The following CNTNAP2 variants were observed in gnomAD, a reference collection of about 807,000 sequenced individuals.
CNTNAP2 encodes contactin-associated protein-like 2.
CNTNAP2 carries 98 observed loss-of-function variants against 155.2 expected under a neutral mutation model. The ratio of observed to expected loss-of-function variants is 0.63; its 90% CI spans 0.54 to 0.75. The LOEUF (loss-of-function observed/expected upper bound fraction) is 0.75. CNTNAP2 is among the 30% of genes least tolerant of loss of function. The pLI is 0.00. For missense variants in CNTNAP2, 1,727 were observed against 1,688.1 expected, an observed-to-expected ratio of 1.02 and a Z score of -0.40; for synonymous variants, 651 against 631.2, an observed-to-expected ratio of 1.03 and a Z score of -0.47.
intron 11 of CNTNAP2, among the ~76,000 whole-genome samples, chr7:147,533,619 C>A (rs1294099516): frequency 6.6e-6 from 1 of 151,174 alleles, no homozygotes; most frequent in Admixed American, 6.6e-5. Context: ...AAAATACTTA[C>A]TTGGAGCCAG....
chr7:147,017,681 C>T (rs1798748436), intron 3 of CNTNAP2, among the ~76,000 whole-genome samples: 2 of 151,798 alleles, frequency 1.3e-5, no homozygotes, highest in Admixed American at 6.6e-5. Flanking sequence ...CTAAACAACT[C>T]TTTTTACAAT....
chr7:147,698,450 T>C (rs946306193), intron 13 of CNTNAP2, among the ~76,000 whole-genome samples: 48 of 152,264 alleles, frequency 3.2e-4, no homozygotes, highest in African/African-American at 8.7e-4. Context: ...TTTAAAATAA[T>C]GTCAGTTACC....
At chr7:147,492,977 TG>T (rs1328379220) in intron 11 of CNTNAP2, among the ~76,000 whole-genome samples, 1 of 147,530 alleles carries the variant, frequency 6.8e-6, no homozygotes, top group East Asian at 2.1e-4. Context: ...TACTTTTTAA[TG>T]TACCCCAGAA....
intron 1 of CNTNAP2, among the ~76,000 whole-genome samples, chr7:146,759,101 A>T (rs1224016139): frequency 6.8e-6 from 1 of 146,298 alleles, no homozygotes; most frequent in East Asian, 2.1e-4. Flanking sequence ...TATTTTTCAT[A>T]AAATCTGTCT....
At chr7:146,730,994 A>T (rs942121121) in intron 1 of CNTNAP2, among the ~76,000 whole-genome samples, 1 of 152,192 alleles carries the variant, frequency 6.6e-6, no homozygotes, top group African/African-American at 2.4e-5. Flanking sequence ...CCTAGTGTTT[A>T]TTGTGTTCAT....
rs1198304892 is a variant in CNTNAP2, at chr7:148,417,274, T to A, written c.*1658T>A. The A allele has an allele frequency of 6.6e-6, 1 of 152,582 alleles. No homozygotes were observed. Among genetic ancestry groups the A allele is most frequent in the African/African-American group, 2.4e-5 (1 of 41,438 alleles). The allele number at this position is 152,582 out of a possible 1,614,324, so 9.5% of individuals were successfully genotyped here. On this transcript the variant is annotated 3_prime_UTR_variant, in exon 24 of 24. Coordinates refer to ENST00000361727, the MANE Select transcript of CNTNAP2 (RefSeq NM_014141.6). ...GCATTCTTTTTCAAGATTCTCAGTG[T>A]GCCTAACTTATTGGAGCACATCAGT...
intron 21 of CNTNAP2, among the ~76,000 whole-genome samples, chr7:148,360,897 C>T (rs1798607910): frequency 6.6e-6 from 1 of 151,294 alleles, no homozygotes; most frequent in Non-Finnish European, 1.5e-5. Flanking sequence ...GCAACCTCTG[C>T]CCCCCAGATT....
chr7:147,779,304 A>T lies in CNTNAP2; in HGVS notation c.2099-124261A>T, dbSNP rs368972599. The stretch of plus-strand genomic sequence containing the variant: ...TAAGGATTGAAGACGGGAGATTAGA[A>T]TAAATGTAAATCTTAGTGGATATAA... On this transcript the variant is annotated intron_variant, in intron 13 of 23. Coordinates refer to ENST00000361727, the MANE Select transcript of CNTNAP2 (RefSeq NM_014141.6). Among the ~76,000 whole-genome samples, 33 of 152,352 alleles carry T rather than the reference A, an allele frequency of 2.2e-4. 1 individual carries two copies. The East Asian group carries it at 4.3e-3, about 20-fold the overall frequency.
intron 13 of CNTNAP2, among the ~76,000 whole-genome samples, chr7:147,741,245 T>C (rs1354760397): frequency 6.6e-6 from 1 of 152,178 alleles, no homozygotes; most frequent in African/African-American, 2.4e-5. Flanking sequence ...ATTCTTCAGG[T>C]CCAGATAAGG....
At chr7:146,556,824 T>A (rs1457814620) in intron 1 of CNTNAP2, among the ~76,000 whole-genome samples, 1 of 151,232 alleles carries the variant, frequency 6.6e-6, no homozygotes, top group Admixed American at 6.6e-5. Flanking sequence ...CTGGCACTAT[T>A]TAGTAAATCT....
At chr7:146,698,966 T>G (rs1800830413) in intron 1 of CNTNAP2, among the ~76,000 whole-genome samples, 1 of 152,196 alleles carries the variant, frequency 6.6e-6, no homozygotes, top group Non-Finnish European at 1.5e-5. Flanking sequence ...TAGCACTTCC[T>G]TTCAATTCTT....
chr7:147,893,221 G>T (rs1253902380), intron 13 of CNTNAP2, among the ~76,000 whole-genome samples: 2 of 152,064 alleles, frequency 1.3e-5, no homozygotes, highest in East Asian at 3.9e-4. Context: ...GCCAATACAT[G>T]ATTTTTTATT....
At chr7:147,266,295 C>A (rs941015422) in intron 8 of CNTNAP2, among the ~76,000 whole-genome samples, 1 of 152,158 alleles carries the variant, frequency 6.6e-6, no homozygotes, top group Non-Finnish European at 1.5e-5. Context: ...CATAAAAGAC[C>A]GGATGGAGCT....
intron 3 of CNTNAP2, among the ~76,000 whole-genome samples, chr7:146,972,491 T>C (rs1281052502): frequency 6.6e-6 from 1 of 152,196 alleles, no homozygotes; most frequent in Non-Finnish European, 1.5e-5. Context: ...AAAAGAATTA[T>C]TTACTATCTG....
intron 13 of CNTNAP2, among the ~76,000 whole-genome samples, chr7:147,738,661 T>TA (rs1491197475): frequency 4.9e-4 from 7 of 14,334 alleles, no homozygotes; most frequent in African/African-American, 1.3e-3. Flanking sequence ...TTTTTTTTTT[T>TA]ATTTTTTTTT....
At chr7:148,309,811 G>T (rs1162821666) in intron 21 of CNTNAP2, among the ~76,000 whole-genome samples, 1 of 152,156 alleles carries the variant, frequency 6.6e-6, no homozygotes, top group African/African-American at 2.4e-5. Flanking sequence ...TTAGCCTTGG[G>T]CTCAGAGGCC....
intron 3 of CNTNAP2, among the ~76,000 whole-genome samples, chr7:147,034,673 G>A (rs1335565026): frequency 1.3e-5 from 2 of 152,108 alleles, no homozygotes; most frequent in African/African-American, 2.4e-5. Flanking sequence ...GAATGGAGGC[G>A]GGTCTCAGCG....
At chr7:146,659,491 C>G (rs572905891) in intron 1 of CNTNAP2, among the ~76,000 whole-genome samples, 1 of 152,168 alleles carries the variant, frequency 6.6e-6, no homozygotes, top group South Asian at 2.1e-4. Flanking sequence ...GGTGTTTGAG[C>G]AAAAGTTTAA....
intron 14 of CNTNAP2, among the ~76,000 whole-genome samples, chr7:147,938,499 C>G (rs1800656985): frequency 6.6e-6 from 1 of 152,064 alleles, no homozygotes; most frequent in Non-Finnish European, 1.5e-5. Flanking sequence ...AAATAGCTTT[C>G]CCTCCTGAAA....
Sources: allele counts gnomAD v4.1 joint callset (sites outside exome capture counted in the v4.1 genomes callset), GRCh38; gene constraint gnomAD v4.1.1; transcripts MANE v1.5; gene names NCBI Gene and HGNC (gene_info 2026-07-23, HGNC 2026-07-21).